TMEM87B: variants seen among roughly 807,000 people sequenced by gnomAD.
TMEM87B encodes transmembrane protein 87B.
A neutral mutation model predicts 80.3 loss-of-function variants in TMEM87B; 83 were observed. The ratio of observed to expected loss-of-function variants is 1.03; its 90% CI spans 0.87 to 1.24. The LOEUF is 1.24. Ranked by LOEUF, TMEM87B falls within the 50% of genes most tolerant of loss-of-function variation. The probability of loss-of-function intolerance (pLI) is 0.00; values close to 1 mark genes in which losing one functional copy is unlikely to be tolerated. For synonymous variants in TMEM87B, 219 were observed against 230.5 expected, an observed-to-expected ratio of 0.95 and a Z score of 0.45; for missense variants, 625 against 674.4, an observed-to-expected ratio of 0.93 and a Z score of 0.81.
intron 4 of TMEM87B, among the ~76,000 whole-genome samples, chr2:112,069,786 C>T (rs1232258272): frequency 2.0e-5 from 3 of 152,212 alleles, no homozygotes; most frequent in Non-Finnish European, 4.4e-5. Flanking sequence ...TGTACTCCCA[C>T]CAGCAGTGTA....
chr2:112,076,212 A>G (rs1373120516), intron 5 of TMEM87B, among the ~76,000 whole-genome samples: 1 of 152,216 alleles, frequency 6.6e-6, no homozygotes, highest in Non-Finnish European at 1.5e-5. Flanking sequence ...AGATCGCACC[A>G]TTGCACTTCA....
At chr2:112,064,916 A>G (rs960699104) in intron 3 of TMEM87B, among the ~76,000 whole-genome samples, 3 of 152,084 alleles carry the variant, frequency 2.0e-5, no homozygotes, top group Non-Finnish European at 2.9e-5. Flanking sequence ...GTATATATGT[A>G]TATATCTATA....
chr2:112,113,210 ATC>A (rs1252733853), intron 18 of TMEM87B, among the ~76,000 whole-genome samples: 1 of 152,236 alleles, frequency 6.6e-6, no homozygotes, highest in East Asian at 1.9e-4. Flanking sequence ...GTCTAAATTA[ATC>A]TCTGATACTT....
chr2:112,064,243 C>T lies in TMEM87B; in HGVS notation c.308C>T (p.Ser103Phe). 1 of 1,613,366 alleles carries T rather than the reference C, an allele frequency of 6.2e-7. No individual in the cohort carries two copies. Among genetic ancestry groups the T allele is most frequent in the African/African-American group, 1.3e-5 (1 of 74,966 alleles). ...LKYHTCHNEH[S>F]NLEELFQKHK... Reference sequence around the variant, plus strand: ...TATCATACCTGTCACAATGAGCATTCTAATCTGGAAGTAAGTAAAACACAA... The same window carrying T: ...TATCATACCTGTCACAATGAGCATTTTAATCTGGAAGTAAGTAAAACACAA... Residue 103 changes from serine to phenylalanine, a missense_variant, in exon 3 of 19, where the codon TCT becomes TTT. Ser to Phe is a radical substitution (Grantham distance 155, BLOSUM62 -2). Coordinates refer to ENST00000283206, the MANE Select transcript of TMEM87B (RefSeq NM_032824.3).
At position 112,113,415 on chromosome 2, in the gene TMEM87B, A is replaced by G. The variant is rs572345656; in HGVS notation, c.1608+486A>G. Among the ~76,000 whole-genome samples the G allele has an allele frequency of 8.5e-5, 13 of 152,380 alleles. No homozygotes were observed. The South Asian group carries it at 2.7e-3, about 32-fold the overall frequency. On this transcript the variant is annotated intron_variant, in intron 18 of 18. Transcript: ENST00000283206. The stretch of plus-strand genomic sequence containing the variant: ...GAATTAAAGACTGGATGCACGGAAC[A>G]TTAACTTTCAAAAAGGACGAGTGGA...
At chr2:112,094,045 A>C (rs1419458764) in intron 11 of TMEM87B, among the ~76,000 whole-genome samples, 2 of 152,146 alleles carry the variant, frequency 1.3e-5, no homozygotes, top group Non-Finnish European at 2.9e-5. Flanking sequence ...TTGGAACTTT[A>C]ACAAGTTAGG....
intron 11 of TMEM87B, among the ~76,000 whole-genome samples, chr2:112,092,123 G>A (rs1679320556): frequency 6.6e-6 from 1 of 152,142 alleles, no homozygotes; most frequent in Admixed American, 6.5e-5. Flanking sequence ...ATCTTAGAGA[G>A]GTGCTGTGCC....
intron 9 of TMEM87B, among the ~76,000 whole-genome samples, chr2:112,086,697 T>C (rs1679156480): frequency 6.6e-6 from 1 of 152,198 alleles, no homozygotes; most frequent in Non-Finnish European, 1.5e-5. Context: ...CTGCATCTTG[T>C]TGTGGTCACT....
intron 18 of TMEM87B, among the ~76,000 whole-genome samples, chr2:112,115,714 GCTA>G (rs1320353308): frequency 6.6e-6 from 1 of 152,182 alleles, no homozygotes; most frequent in East Asian, 1.9e-4. Flanking sequence ...ATGTTTTCTA[GCTA>G]GCAGGAAGTT....
At chr2:112,093,856 A>G (rs1374574655) in intron 11 of TMEM87B, among the ~76,000 whole-genome samples, 1 of 152,214 alleles carries the variant, frequency 6.6e-6, no homozygotes, top group Non-Finnish European at 1.5e-5. Context: ...GAGAATGGGC[A>G]GGAGGTATAA....
intron 15 of TMEM87B, among the ~76,000 whole-genome samples, chr2:112,105,056 A>G (rs1301274800): frequency 6.6e-6 from 1 of 152,090 alleles, no homozygotes; most frequent in African/African-American, 2.4e-5. Context: ...TGTTAACTGT[A>G]TTGATTGGCA....
At position 112,059,984 on chromosome 2, in the gene TMEM87B, G is replaced by T; in HGVS notation, c.173G>T (p.Gly58Val). The T allele has an allele frequency of 6.3e-7, 1 of 1,592,948 alleles. No individual in the cohort carries two copies. The highest frequency in any genetic ancestry group is 1.1e-5 in the South Asian group (1 of 89,516). The change falls in exon 2 of 19, where the codon GGA becomes GTA. Residue 58 changes from glycine to valine, a missense_variant. Coordinates refer to ENST00000283206, the MANE Select transcript of TMEM87B (RefSeq NM_032824.3). The stretch of plus-strand genomic sequence containing the variant: ...GTTTGTTTTTCATTTTAGAAATCAG[G>T]ACCTTTGATATTTAGGAAAACTATG... Reference protein sequence around the residue: ...LWLETVNDKSGPLIFRKTMFN... With the variant: ...LWLETVNDKSVPLIFRKTMFN...
intron 16 of TMEM87B, among the ~76,000 whole-genome samples, chr2:112,106,708 T>C (rs1336179940): frequency 6.6e-6 from 1 of 152,226 alleles, no homozygotes; most frequent in Non-Finnish European, 1.5e-5. Context: ...ATGTCTATCA[T>C]ATAGTTTTAT....
intron 11 of TMEM87B, among the ~76,000 whole-genome samples, chr2:112,095,692 C>G (rs923675998): frequency 1.3e-5 from 2 of 152,046 alleles, no homozygotes; most frequent in East Asian, 1.9e-4. Context: ...GATTAAAAAG[C>G]AGTTTTGTAC....
At chr2:112,085,912 A>T (rs973244861) in intron 8 of TMEM87B, 93 bp from the exon 9 acceptor site, 4 of 948,774 alleles carry the variant, frequency 4.2e-6, no homozygotes, top group Admixed American at 2.6e-5. Flanking sequence ...TGAAGTTCGA[A>T]TGTAGTTATA....
In TMEM87B at chr2:112,115,832, C is replaced by G. The variant is rs1171862755; in HGVS notation, c.1609-252C>G. Among the ~76,000 whole-genome samples, 5 of 152,244 alleles carry G rather than the reference C, an allele frequency of 3.3e-5. No homozygotes were observed. The East Asian group carries it at 9.7e-4, about 29-fold the overall frequency. On this transcript the variant is annotated intron_variant, in intron 18 of 18. Coordinates refer to ENST00000283206, the MANE Select transcript of TMEM87B (RefSeq NM_032824.3). ...TAAATTTTTTATAAGGATGAGGTCT[C>G]TCTATGTTGCCCAGGCCGGTCTCGA...
chr2:112,104,141 GA>G (rs1399955148), intron 15 of TMEM87B, among the ~76,000 whole-genome samples: 2 of 152,046 alleles, frequency 1.3e-5, no homozygotes, highest in Admixed American at 6.5e-5. Flanking sequence ...TCTTCTAGAA[GA>G]AAAAAGGAAA....
At chr2:112,079,341 A>T (rs1678918001) in intron 6 of TMEM87B, among the ~76,000 whole-genome samples, 1 of 152,144 alleles carries the variant, frequency 6.6e-6, no homozygotes, top group African/African-American at 2.4e-5. Flanking sequence ...TTTAGATTCC[A>T]CATATAAGTG....
chr2:112,086,199 T>C, intron 9 of TMEM87B, 95 bp downstream of exon 9: 1 of 916,222 alleles, frequency 1.1e-6, no homozygotes. Context: ...TTCTAAGTAT[T>C]GTAGTACAAA....
Sources: allele counts gnomAD v4.1 joint callset (sites outside exome capture counted in the v4.1 genomes callset), GRCh38; gene constraint gnomAD v4.1.1; transcripts MANE v1.5; gene names NCBI Gene and HGNC (gene_info 2026-07-23, HGNC 2026-07-21).